TBC1D32: variants seen among roughly 807,000 people sequenced by gnomAD.
TBC1D32 encodes the protein TBC1 domain family member 32.
A neutral mutation model predicts 170.3 loss-of-function variants in TBC1D32; 151 were observed. The ratio of observed to expected loss-of-function variants is 0.89; its 90% CI spans 0.78 to 1.01. The LOEUF is 1.01. Ranked by LOEUF, TBC1D32 falls within the 50% of genes least tolerant of loss-of-function variation. The pLI is 0.00. For synonymous variants in TBC1D32, 498 were observed against 488.0 expected (o/e 1.02, Z -0.27); for missense variants, 1,464 against 1,457.1 (o/e 1.00, Z -0.08).
intron 15 of TBC1D32, among the ~76,000 whole-genome samples, chr6:121,257,115 CA>C (rs1365523583): frequency 6.6e-6 from 1 of 152,176 alleles, no homozygotes; most frequent in Non-Finnish European, 1.5e-5. Flanking sequence ...GAAAAACAGT[CA>C]TGTTTATTTG....
chr6:121,095,588 T>C (rs1260109463), intron 30 of TBC1D32, among the ~76,000 whole-genome samples: 1 of 152,200 alleles, frequency 6.6e-6, no homozygotes, highest in Non-Finnish European at 1.5e-5. Context: ...ATAGCTCTTA[T>C]TATTTTGAGA....
intron 5 of TBC1D32, among the ~76,000 whole-genome samples, chr6:121,306,456 A>G (rs1465648165): frequency 5.9e-5 from 9 of 152,152 alleles, no homozygotes; most frequent in African/African-American, 2.2e-4. Flanking sequence ...CAGTGTCTAA[A>G]CGAGAATGAT....
At chr6:121,208,729 GA>G (rs57771111) in intron 21 of TBC1D32, among the ~76,000 whole-genome samples, 3,283 of 86,904 alleles carry the variant, frequency 0.038, 94 homozygotes, top group African/African-American at 0.071. Flanking sequence ...GAAACACCTG[GA>G]AAAAAAAAAA....
At chr6:121,124,061 T>C (rs1395711687) in intron 26 of TBC1D32, among the ~76,000 whole-genome samples, 1 of 152,086 alleles carries the variant, frequency 6.6e-6, no homozygotes, top group African/African-American at 2.4e-5. Flanking sequence ...TAAAAAATTG[T>C]TGTAGTTATC....
chr6:121,126,642 C>T lies in TBC1D32; in HGVS notation c.2900-181G>A, dbSNP rs546862130. ...AACACTGTTTCTGATGCAAATTAAA[C>T]TTTAATAGCTTAGCTAAGAACCTAG... is the stretch of plus-strand genomic sequence containing the variant. On this transcript the variant is annotated intron_variant, in intron 25 of 31. Transcript: ENST00000398212. 3.3e-5 allele frequency among the ~76,000 whole-genome samples: 5 copies of T among 152,058 alleles called. No homozygotes were observed. The South Asian group carries it at 1.0e-3, about 32-fold the overall frequency.
Position 121,144,795 on chromosome 6 carries a change from A to G in TBC1D32, c.2774-13043T>C, listed in dbSNP as rs532136293. On this transcript the variant is annotated intron_variant, in intron 24 of 31. Coordinates refer to ENST00000398212, the MANE Select transcript of TBC1D32 (RefSeq NM_152730.6). ...ACAACAGTAATGCAGCTAGAAAAAAAGAAGACAACTGAGAACTGACTATGG... is the reference window on the plus strand; with the variant it reads ...ACAACAGTAATGCAGCTAGAAAAAAGGAAGACAACTGAGAACTGACTATGG... Among the ~76,000 whole-genome samples the G allele has an allele frequency of 5.9e-5, 9 of 152,306 alleles. No homozygotes were observed. In the East Asian group the frequency reaches 1.7e-3, roughly 29 times the overall value.
chr6:121,332,857 G>C (rs566532222), intron 1 of TBC1D32, among the ~76,000 whole-genome samples: 45 of 152,166 alleles, frequency 3.0e-4, no homozygotes, highest in African/African-American at 9.6e-4. Context: ...TGAATTTAAT[G>C]AGAAAATAAA....
At chr6:121,244,214 A>G (rs1291528132) in intron 17 of TBC1D32, among the ~76,000 whole-genome samples, 1 of 152,020 alleles carries the variant, frequency 6.6e-6, no homozygotes, top group African/African-American at 2.4e-5. Flanking sequence ...TATACAAGTA[A>G]AAAAGTATTG....
chr6:121,320,800 T>C (rs562783429), intron 2 of TBC1D32, among the ~76,000 whole-genome samples: 1 of 152,338 alleles, frequency 6.6e-6, no homozygotes, highest in African/African-American at 2.4e-5. Flanking sequence ...TTAGATTTAA[T>C]ACTTTAAAAT....
At chr6:121,267,336 A>G (rs941982029) in intron 15 of TBC1D32, among the ~76,000 whole-genome samples, 11 of 152,300 alleles carry the variant, frequency 7.2e-5, no homozygotes, top group African/African-American at 2.6e-4. Flanking sequence ...TTGAAAGCGA[A>G]GCCCAAGGGG....
At chr6:121,108,292 T>C (rs887484766) in intron 29 of TBC1D32, among the ~76,000 whole-genome samples, 1 of 152,084 alleles carries the variant, frequency 6.6e-6, no homozygotes, top group Non-Finnish European at 1.5e-5. Context: ...AATCATCAAA[T>C]GATAAATTGT....
At chr6:121,135,918 A>G (rs1782005061) in intron 24 of TBC1D32, among the ~76,000 whole-genome samples, 2 of 152,146 alleles carry the variant, frequency 1.3e-5, no homozygotes, top group South Asian at 2.1e-4. Flanking sequence ...CTGACAGTCA[A>G]GCTGATCCAC....
chr6:121,332,174 T>C (rs555792612), intron 1 of TBC1D32, among the ~76,000 whole-genome samples: 3 of 152,260 alleles, frequency 2.0e-5, no homozygotes, highest in Admixed American at 2.0e-4. Flanking sequence ...AAGTTTTAAA[T>C]TGATACAGAT....
intron 1 of TBC1D32, among the ~76,000 whole-genome samples, chr6:121,323,923 A>G (rs1810106050): frequency 6.6e-6 from 1 of 152,196 alleles, no homozygotes; most frequent in Admixed American, 6.5e-5. Flanking sequence ...TTGGTGACAG[A>G]GCAAGACTCC....
At chr6:121,080,937 C>A (rs747045076) in intron 31 of TBC1D32, 47 bp from the exon 32 acceptor site, 21 of 1,590,120 alleles carry the variant, frequency 1.3e-5, no homozygotes, top group Non-Finnish European at 1.6e-5. Flanking sequence ...GTAAGACACA[C>A]AATTCCAAGT....
chr6:121,139,147 T>C (rs773151651), intron 24 of TBC1D32, among the ~76,000 whole-genome samples: 2 of 152,104 alleles, frequency 1.3e-5, no homozygotes, highest in Non-Finnish European at 2.9e-5. Context: ...TGCCCAGCCA[T>C]ACCATATTAT....
intron 25 of TBC1D32, among the ~76,000 whole-genome samples, chr6:121,127,504 T>C (rs1268199573): frequency 1.8e-4 from 27 of 152,158 alleles, no homozygotes; most frequent in Admixed American, 1.6e-3. Context: ...TATTGTAAGC[T>C]ATTTATGTTT....
intron 30 of TBC1D32, among the ~76,000 whole-genome samples, chr6:121,099,293 A>G (rs1055794939): frequency 9.9e-5 from 15 of 151,962 alleles, no homozygotes; most frequent in Admixed American, 2.0e-4. Flanking sequence ...ACTTTTTTTA[A>G]CAGAAGATAA....
At chr6:121,304,046 T>G (rs1479643723) in intron 8 of TBC1D32, among the ~76,000 whole-genome samples, 2 of 151,426 alleles carry the variant, frequency 1.3e-5, no homozygotes, top group East Asian at 3.9e-4. Flanking sequence ...TTTAAGGAAC[T>G]TGTCCAAAAT....
Sources: allele counts gnomAD v4.1 joint callset (sites outside exome capture counted in the v4.1 genomes callset), GRCh38; gene constraint gnomAD v4.1.1; transcripts MANE v1.5; gene names NCBI Gene and HGNC (gene_info 2026-07-23, HGNC 2026-07-21).